The following CDK14 variants were observed in gnomAD, a reference collection of about 807,000 sequenced individuals.
CDK14 encodes the protein cyclin dependent kinase 14.
CDK14 carries 34 observed loss-of-function variants against 60.7 expected under a neutral mutation model. That is an observed-to-expected ratio of 0.56 (90% CI 0.43 to 0.75). The LOEUF (loss-of-function observed/expected upper bound fraction) is 0.75, where lower values mean the gene tolerates loss of function less well. Ranked by LOEUF, CDK14 falls within the 30% of genes least tolerant of loss-of-function variation. The probability of loss-of-function intolerance (pLI) is 0.00; values close to 1 mark genes in which losing one functional copy is unlikely to be tolerated. For missense variants in CDK14, 482 were observed against 564.1 expected, an observed-to-expected ratio of 0.85 and a Z score of 1.47; for synonymous variants, 197 against 203.7, an observed-to-expected ratio of 0.97 and a Z score of 0.28.
intron 4 of CDK14, among the ~76,000 whole-genome samples, chr7:90,786,462 G>A (rs1051476442): frequency 2.0e-5 from 3 of 152,216 alleles, no homozygotes; most frequent in South Asian, 4.1e-4. Context: ...TGAATTATAT[G>A]TTTGAAGTTT....
intron 2 of CDK14, chr7:90,710,643 C>T (rs1802026945): frequency 1.4e-6 from 1 of 721,972 alleles, no homozygotes; most frequent in African/African-American, 1.9e-5. Flanking sequence ...TCGTGCAGTT[C>T]TGCGTGAAGT....
intron 2 of CDK14, among the ~76,000 whole-genome samples, chr7:90,701,025 TA>T (rs2116614514): frequency 6.6e-6 from 1 of 152,344 alleles, no homozygotes; most frequent in South Asian, 2.1e-4. Context: ...GCACTTTCTT[TA>T]CATATTCCAC....
chr7:90,721,338 A>G (rs549214993), intron 2 of CDK14, among the ~76,000 whole-genome samples: 4 of 152,240 alleles, frequency 2.6e-5, no homozygotes, highest in South Asian at 4.1e-4. Context: ...TACTTCTTTT[A>G]TATTATAGCT....
chr7:90,955,529 A>C (rs1794384878), intron 8 of CDK14, among the ~76,000 whole-genome samples, 168 bp from the exon 9 acceptor site: 1 of 152,222 alleles, frequency 6.6e-6, no homozygotes, highest in Admixed American at 6.5e-5. Flanking sequence ...TGTGTTAAAA[A>C]CAGAAACCAC....
chr7:91,108,935 G>C (rs1294090811), intron 12 of CDK14, among the ~76,000 whole-genome samples: 1 of 152,190 alleles, frequency 6.6e-6, no homozygotes, highest in African/African-American at 2.4e-5. Flanking sequence ...GAGCTATAAA[G>C]TAGTTTTAGC....
chr7:90,694,019 AG>A (rs1428341145), intron 2 of CDK14, among the ~76,000 whole-genome samples: 3 of 152,216 alleles, frequency 2.0e-5, no homozygotes, highest in Non-Finnish European at 4.4e-5. Context: ...ATGTAATTAA[AG>A]GGATGTCCAT....
intron 9 of CDK14, among the ~76,000 whole-genome samples, chr7:90,969,968 C>CTT (rs11317741): frequency 1.6e-5 from 2 of 122,398 alleles, no homozygotes; most frequent in African/African-American, 3.1e-5. Context: ...AATTTTTAAG[C>CTT]TTTTTTTTTT....
intron 5 of CDK14, among the ~76,000 whole-genome samples, chr7:90,856,040 A>C (rs906066426): frequency 4.6e-5 from 7 of 152,224 alleles, no homozygotes; most frequent in Non-Finnish European, 8.8e-5. Flanking sequence ...CCCATCTCCA[A>C]ACTGAAAAAC....
chr7:90,782,899 A>G (rs1805404652), intron 4 of CDK14, among the ~76,000 whole-genome samples: 1 of 152,282 alleles, frequency 6.6e-6, no homozygotes, highest in African/African-American at 2.4e-5. Flanking sequence ...TGATCCAGGC[A>G]GTGAGAGTAC....
chr7:91,164,979 T>A (rs192247460), intron 14 of CDK14, among the ~76,000 whole-genome samples: 13 of 152,270 alleles, frequency 8.5e-5, no homozygotes, highest in Admixed American at 7.8e-4. Flanking sequence ...GAAGGAGATA[T>A]TTTTGTTTAA....
At chr7:90,632,397 T>G (rs969736655) in intron 2 of CDK14, 4 of 273,358 alleles carry the variant, frequency 1.5e-5, no homozygotes, top group African/African-American at 9.0e-5. Context: ...CCCTCTTCTT[T>G]TTTGGAGTAA....
rs1458844294 is a variant in CDK14 at position 90,820,619 on chromosome 7, C to A, written c.544+29967C>A. Reference sequence around the variant, plus strand: ...GAACTGTGAGTCAATTAAACCTCTTCTCTTTATAAATTACCCAGTCTCAGG... The same window carrying A: ...GAACTGTGAGTCAATTAAACCTCTTATCTTTATAAATTACCCAGTCTCAGG... On this transcript the variant is annotated intron_variant, in intron 5 of 14. Coordinates refer to ENST00000380050, the MANE Select transcript of CDK14 (RefSeq NM_001287135.2). Among the ~76,000 whole-genome samples, 7 of 152,252 alleles carry A rather than the reference C, an allele frequency of 4.6e-5. No individual in the cohort carries two copies. In the East Asian group the frequency reaches 1.4e-3, roughly 29 times the overall value.
intron 14 of CDK14, among the ~76,000 whole-genome samples, chr7:91,186,108 C>G (rs1004497025): frequency 1.1e-4 from 13 of 122,680 alleles, no homozygotes; most frequent in Non-Finnish European, 1.8e-4. Flanking sequence ...TCCTTCTCCC[C>G]TCCCCTCCCC....
At chr7:90,944,180 C>T (rs1794025126) in intron 8 of CDK14, among the ~76,000 whole-genome samples, 1 of 152,190 alleles carries the variant, frequency 6.6e-6, no homozygotes, top group Non-Finnish European at 1.5e-5. Flanking sequence ...GACTTCCAAG[C>T]CTCCATAACC....
chr7:90,855,812 G>A (rs1416265007), intron 5 of CDK14, among the ~76,000 whole-genome samples: 1 of 152,170 alleles, frequency 6.6e-6, no homozygotes, highest in Non-Finnish European at 1.5e-5. Flanking sequence ...CAGTGATTTA[G>A]TAACCAGTTG....
At chr7:90,978,891 C>T (rs1431202244) in intron 9 of CDK14, among the ~76,000 whole-genome samples, 2 of 152,082 alleles carry the variant, frequency 1.3e-5, no homozygotes, top group Non-Finnish European at 2.9e-5. Context: ...TACAAATAAT[C>T]ATGATATATT....
intron 2 of CDK14, among the ~76,000 whole-genome samples, chr7:90,614,373 T>C (rs1799608502): frequency 6.6e-6 from 1 of 152,206 alleles, no homozygotes; most frequent in Admixed American, 6.5e-5. Flanking sequence ...TTACAAGATA[T>C]TGGAACCAGC....
At chr7:91,115,221 A>G (rs2116363975) in intron 13 of CDK14, among the ~76,000 whole-genome samples, 1 of 152,326 alleles carries the variant, frequency 6.6e-6, no homozygotes, top group Admixed American at 6.5e-5. Flanking sequence ...CTGCAATAAC[A>G]AAATACCTTA....
chr7:91,004,351 A>G (rs1298205280), intron 10 of CDK14, among the ~76,000 whole-genome samples: 1 of 152,224 alleles, frequency 6.6e-6, no homozygotes, highest in African/African-American at 2.4e-5. Context: ...GAATAAATAT[A>G]TGCTAATAAA....
Sources: gnomAD v4.1 joint callset for allele counts (sites outside exome capture counted in the v4.1 genomes callset) on GRCh38, gnomAD v4.1.1 for gene constraint, MANE v1.5 for transcripts, NCBI Gene and HGNC (gene_info 2026-07-23, HGNC 2026-07-21) for gene names.